CD160: variants seen among roughly 807,000 people sequenced by gnomAD.
CD160 encodes the protein CD160 molecule.
CD160 carries 11 observed loss-of-function variants against 19.2 expected under a neutral mutation model. That is an observed-to-expected ratio of 0.57 (90% CI 0.36 to 0.95). The LOEUF is 0.95. Ranked by LOEUF, CD160 falls within the 40% of genes least tolerant of loss-of-function variation. The pLI, the probability that CD160 is intolerant of heterozygous loss-of-function variation, is 0.01. For synonymous variants in CD160, 75 were observed against 81.1 expected, an observed-to-expected ratio of 0.93 and a Z score of 0.40; for missense variants, 182 against 213.2, an observed-to-expected ratio of 0.85 and a Z score of 0.91.
chr1:145,730,719 G>A, intron 3 of CD160, 25 bp from the exon 4 acceptor site: 1 of 1,593,430 alleles, frequency 6.3e-7, no homozygotes, highest in Non-Finnish European at 8.6e-7. Context: ...CTGACCTCTG[G>A]GTAATTCTTC....
chr1:145,730,692 A>C (rs782238493), intron 3 of CD160, 52 bp from the exon 4 acceptor site: 1 of 1,482,158 alleles, frequency 6.7e-7, no homozygotes, highest in South Asian at 1.2e-5. Flanking sequence ...GTTACGGTGA[A>C]ATTCACAGAA....
At chr1:145,724,096 C>T (rs782746749) in intron 1 of CD160, among the ~76,000 whole-genome samples, 1 of 152,244 alleles carries the variant, frequency 6.6e-6, no homozygotes, top group South Asian at 2.1e-4. Flanking sequence ...TCTTCTTACC[C>T]TTACCAAAAT....
chr1:145,726,906 A>G (rs1274884888), intron 2 of CD160, among the ~76,000 whole-genome samples: 1 of 152,220 alleles, frequency 6.6e-6, no homozygotes, highest in Non-Finnish European at 1.5e-5. Context: ...AAAAGAATCA[A>G]TGTCACAACA....
intron 3 of CD160, among the ~76,000 whole-genome samples, chr1:145,730,180 C>G (rs1198685413): frequency 6.6e-6 from 1 of 152,078 alleles, no homozygotes; most frequent in Admixed American, 6.6e-5. Flanking sequence ...ATTAGCCAGG[C>G]ATAGTGGTGC....
chr1:145,722,907 T>G (rs1303195896), intron 1 of CD160, among the ~76,000 whole-genome samples: 1 of 152,196 alleles, frequency 6.6e-6, no homozygotes, highest in African/African-American at 2.4e-5. Context: ...CTATTAAGTT[T>G]TAGGACCAGG....
At chr1:145,720,584 C>G (rs1255794781) in intron 1 of CD160, among the ~76,000 whole-genome samples, 1 of 152,106 alleles carries the variant, frequency 6.6e-6, no homozygotes, top group Non-Finnish European at 1.5e-5. Context: ...TTTTCAGTGT[C>G]GTGGGAGATC....
At chr1:145,728,478 C>T in intron 3 of CD160, 78 bp downstream of exon 3, 6 of 743,726 alleles carry the variant, frequency 8.1e-6, no homozygotes, top group East Asian at 2.8e-5. Flanking sequence ...CCGTGATTTT[C>T]TCTAGTGGGG....
chr1:145,732,573 AAGAG>A (rs1657338886), intron 4 of CD160, among the ~76,000 whole-genome samples: 1 of 152,112 alleles, frequency 6.6e-6, no homozygotes, highest in African/African-American at 2.4e-5. Flanking sequence ...AGAAGAGAGC[AAGAG>A]AAAGACGACT....
chr1:145,732,086 C>T (rs1657318396), intron 4 of CD160, among the ~76,000 whole-genome samples: 1 of 152,150 alleles, frequency 6.6e-6, no homozygotes, highest in African/African-American at 2.4e-5. Context: ...CTTTAAGTGG[C>T]TTCCTTAAGT....
intron 3 of CD160, among the ~76,000 whole-genome samples, chr1:145,729,819 G>GT (rs1657213803): frequency 6.6e-6 from 1 of 152,124 alleles, no homozygotes; most frequent in African/African-American, 2.4e-5. Context: ...CACAGTGGCT[G>GT]TTTTTAATCA....
Position 145,730,973 on chromosome 1 carries a change from AG to A in CD160, c.304del (p.Val102SerfsTer39). 1 of 1,614,180 alleles carries A rather than the reference AG, an allele frequency of 6.2e-7. No homozygotes were observed. Among genetic ancestry groups the A allele is most frequent in the Non-Finnish European group, 8.5e-7 (1 of 1,180,008 alleles). ...SSQLMFTISQ[V>X]TPLHSGTYQC... The stretch of plus-strand genomic sequence containing the variant: ...CTCAGTTGATGTTCACCATAAGCCA[AG>A]TCACACCGTTGCACAGTGGGACCTA... On this transcript the variant is annotated frameshift_variant, in exon 4 of 6. Transcript: ENST00000369288. LOFTEE classifies it high-confidence loss of function.
intron 4 of CD160, 36 bp downstream of exon 4, chr1:145,731,106 G>C: frequency 3.3e-6 from 5 of 1,536,454 alleles, no homozygotes; most frequent in East Asian, 4.5e-5. Context: ...CACCAGGTGG[G>C]ACAGTGAGCA....
intron 2 of CD160, among the ~76,000 whole-genome samples, chr1:145,725,440 G>A (rs1571674633): frequency 6.6e-6 from 1 of 152,126 alleles, no homozygotes; most frequent in Admixed American, 6.5e-5. Flanking sequence ...GTGAGACTCT[G>A]TCTCAAAAGA....
rs200656290 is a variant in CD160 at position 145,730,937 on chromosome 1, T to A, written c.267T>A (p.Gly89=). 1 of 1,613,978 alleles carries A rather than the reference T, an allele frequency of 6.2e-7. No homozygotes were observed. The highest frequency in any genetic ancestry group is 1.3e-5 in the African/African-American group (1 of 74,908). ...LKRDPGIDGV[G]EISSQLMFTI... ...GGGATCCTGGGATAGATGGTGTTGGTGAAATATCATCTCAGTTGATGTTCA... is the reference window on the plus strand; with the variant it reads ...GGGATCCTGGGATAGATGGTGTTGGAGAAATATCATCTCAGTTGATGTTCA... Residue 89 remains glycine, a synonymous_variant, in exon 4 of 6, where the codon GGT becomes GGA. Transcript: ENST00000369288.
At chr1:145,722,043 C>T (rs1656871112) in intron 1 of CD160, among the ~76,000 whole-genome samples, 1 of 152,170 alleles carries the variant, frequency 6.6e-6, no homozygotes, top group Non-Finnish European at 1.5e-5. Context: ...AAGCAAGTCA[C>T]AAGTCCCCTC....
chr1:145,729,257 G>A (rs753172243), intron 3 of CD160, among the ~76,000 whole-genome samples: 5 of 152,142 alleles, frequency 3.3e-5, no homozygotes, highest in Non-Finnish European at 7.4e-5. Context: ...TATGCAGGGG[G>A]CAGCCTCCAT....
chr1:145,728,342 C>T lies in CD160; in HGVS notation c.15C>T (p.Pro5=). The T allele has an allele frequency of 1.2e-6, 2 of 1,612,868 alleles. 1 individual carries two copies. Residue 5 remains proline (P), a synonymous_variant, in exon 3 of 6, where the codon CCC becomes CCT. Coordinates refer to ENST00000369288, the MANE Select transcript of CD160 (RefSeq NM_007053.4). ...CAGCGTGCAGGATGCTGTTGGAACC[C>T]GGCAGAGGCTGCTGTGCCCTGGCCA... MLLE[P]GRGCCALAIL...
chr1:145,736,369 G>A, intron 5 of CD160: 2 of 1,219,426 alleles, frequency 1.6e-6, no homozygotes, highest in Non-Finnish European at 2.3e-6. Flanking sequence ...AGACTCATTA[G>A]GAATGAAGGC....
intron 1 of CD160, among the ~76,000 whole-genome samples, chr1:145,720,797 T>C (rs1439960749): frequency 6.6e-6 from 1 of 152,206 alleles, no homozygotes; most frequent in Admixed American, 6.5e-5. Context: ...AAGAGGAATG[T>C]GAGGCTGAGT....
Sources: gnomAD v4.1 joint callset for allele counts (sites outside exome capture counted in the v4.1 genomes callset) on GRCh38, gnomAD v4.1.1 for gene constraint, MANE v1.5 for transcripts, NCBI Gene and HGNC (gene_info 2026-07-23, HGNC 2026-07-21) for gene names.